Variants in PTPRZ1 observed in about 807,000 individuals in gnomAD.
PTPRZ1 encodes the protein protein tyrosine phosphatase receptor type Z1, also known as receptor-type tyrosine-protein phosphatase zeta.
In PTPRZ1, 82 loss-of-function variants were observed where a neutral mutation model predicts 214.1. That is an observed-to-expected ratio of 0.38 (90% CI 0.32 to 0.46). The LOEUF is 0.46. Ranked by LOEUF, PTPRZ1 falls within the 20% of genes least tolerant of loss-of-function variation. PTPRZ1 has a pLI of 1.00. For synonymous variants in PTPRZ1, 945 were observed against 987.9 expected, an observed-to-expected ratio of 0.96 and a Z score of 0.81; for missense variants, 2,603 against 2,748.7, an observed-to-expected ratio of 0.95 and a Z score of 1.19.
rs57176542 is a variant in PTPRZ1 at position 121,903,966 on chromosome 7, T to TCACACACACACACACACACA, written c.59-24175_59-24156dup. Among the ~76,000 whole-genome samples, 698 of 123,856 alleles carry TCACACACACACACACACACA rather than the reference T, an allele frequency of 5.6e-3. 2 individuals are homozygous for TCACACACACACACACACACA. The highest frequency in any genetic ancestry group is 0.016 in the African/African-American group (509 of 32,834). 81.3% of individuals were successfully genotyped at this position (123,856 alleles called of 152,430 possible). On this transcript the variant is annotated intron_variant, in intron 1 of 29. Transcript: ENST00000393386. ...AGGATTCTGTTCCAGTCTTTAAATC[T>TCACACACACACACACACACA]CACACACACACACACACACACACAC...
At chr7:121,909,697 G>T (rs1252690486) in intron 1 of PTPRZ1, among the ~76,000 whole-genome samples, 1 of 152,028 alleles carries the variant, frequency 6.6e-6, no homozygotes, top group Non-Finnish European at 1.5e-5. Flanking sequence ...GGAGAGAATA[G>T]AACTATTTAA....
chr7:122,010,989 T>A lies in PTPRZ1; in HGVS notation c.1943T>A (p.Met648Lys). The change falls in exon 12 of 30, where the codon ATG (methionine) becomes AAG (lysine). Residue 648 changes from methionine (M) to lysine (K), a missense_variant. Around this residue, in one of 6 missense-constraint regions of PTPRZ1, gnomAD observed 1,913 missense variants for 1,914.3 expected, o/e 1.00. Coordinates refer to ENST00000393386, the MANE Select transcript of PTPRZ1 (RefSeq NM_002851.3). Reference protein sequence around the residue: ...GSEESLKDPSMEGNVWFPSST... With the variant: ...GSEESLKDPSKEGNVWFPSST... Reference sequence around the variant, plus strand: ...GAAGAATCACTAAAGGATCCTTCTATGGAGGGAAATGTGTGGTTTCCTAGC... The same window carrying A: ...GAAGAATCACTAAAGGATCCTTCTAAGGAGGGAAATGTGTGGTTTCCTAGC... The A allele has an allele frequency of 6.2e-7, 1 of 1,614,202 alleles. No individual in the cohort carries two copies. The highest frequency in any genetic ancestry group is 8.5e-7 in the Non-Finnish European group (1 of 1,180,026).
Position 122,011,846 on chromosome 7 carries a change from GAGGGCTCCCAAC to G in PTPRZ1, c.2802_2813del (p.Glu934_His938delinsAsp). ...ACCTTCTTATGCCTTGTCTGATAAT[GAGGGCTCCCAAC>G]ACATCTTCACTGTTTCTTACAGTTC... is the stretch of plus-strand genomic sequence containing the variant. On this transcript the variant is annotated inframe_deletion, in exon 12 of 30. Coordinates refer to ENST00000393386, the MANE Select transcript of PTPRZ1 (RefSeq NM_002851.3). The G allele has an allele frequency of 1.2e-6, 2 of 1,613,804 alleles. No individual in the cohort carries two copies. Among genetic ancestry groups the G allele is most frequent in the Non-Finnish European group, 1.7e-6 (2 of 1,179,724 alleles).
Position 122,038,778 on chromosome 7 carries a change from T to C in PTPRZ1, c.5391T>C (p.Tyr1797=). The C allele has an allele frequency of 1.2e-6, 2 of 1,613,822 alleles. No homozygotes were observed. The highest frequency in any genetic ancestry group is 1.7e-6 in the Non-Finnish European group (2 of 1,179,796). ...YVDGYNRPKA[Y]IAAQGPLKST... is the part of the protein sequence containing the mutation. ...AGGGCTACAACAGACCAAAAGCTTATATTGCTGCCCAAGGCCCACTGAAAT... is the reference window on the plus strand; with the variant it reads ...AGGGCTACAACAGACCAAAAGCTTACATTGCTGCCCAAGGCCCACTGAAAT... The change falls in exon 19 of 30, where the codon TAT becomes TAC. Residue 1797 remains tyrosine, a synonymous_variant. Transcript: ENST00000393386.
intron 1 of PTPRZ1, among the ~76,000 whole-genome samples, chr7:121,898,483 C>T (rs1794869083): frequency 6.6e-6 from 1 of 152,068 alleles, no homozygotes; most frequent in Non-Finnish European, 1.5e-5. Context: ...CCATTGTATT[C>T]AAATTGTATT....
chr7:121,925,934 G>T (rs1433534652), intron 1 of PTPRZ1, among the ~76,000 whole-genome samples: 1 of 152,130 alleles, frequency 6.6e-6, no homozygotes, highest in East Asian at 1.9e-4. Flanking sequence ...GTAGTTCCCA[G>T]GTCCTTGAGA....
At chr7:121,994,439 C>T (rs959173011) in intron 8 of PTPRZ1, among the ~76,000 whole-genome samples, 8 of 151,666 alleles carry the variant, frequency 5.3e-5, no homozygotes, top group African/African-American at 1.2e-4. Context: ...GGATTACAGG[C>T]GCCCGCCACC....
At chr7:121,967,853 T>C in intron 2 of PTPRZ1, 98 bp from the exon 3 acceptor site, 1 of 809,374 alleles carries the variant, frequency 1.2e-6, no homozygotes, top group Non-Finnish European at 1.9e-6. Flanking sequence ...TTTTCTACTA[T>C]TGCATCTATT....
chr7:121,897,736 C>G (rs1238870277), intron 1 of PTPRZ1, among the ~76,000 whole-genome samples: 1 of 152,188 alleles, frequency 6.6e-6, no homozygotes, highest in African/African-American at 2.4e-5. Flanking sequence ...CTTTCTCTCC[C>G]TCCTTTCCAA....
In PTPRZ1 at chr7:121,935,489, T is replaced by C. The variant is rs562936123; in HGVS notation, c.124+7268T>C. On this transcript the variant is annotated intron_variant, in intron 2 of 29. Transcript: ENST00000393386. Reference sequence around the variant, plus strand: ...TGGGCCTCCTTTACTTCAATCTCTGTGGTTTTTGTTTGTTCGTTTGTTCGT... The same window carrying C: ...TGGGCCTCCTTTACTTCAATCTCTGCGGTTTTTGTTTGTTCGTTTGTTCGT... Among the ~76,000 whole-genome samples the C allele has an allele frequency of 3.3e-5, 5 of 152,146 alleles. No individual in the cohort carries two copies. In the East Asian group the frequency reaches 9.8e-4, roughly 30 times the overall value.
At position 121,890,003 on chromosome 7, in the gene PTPRZ1, TC is replaced by T. The variant is rs564647826; in HGVS notation, c.58+16452del. Among the ~76,000 whole-genome samples, 206 of 152,234 alleles carry T rather than the reference TC, an allele frequency of 1.4e-3. 1 individual carries two copies. Among genetic ancestry groups the T allele is most frequent in the Non-Finnish European group, 2.4e-3 (163 of 67,994 alleles). On this transcript the variant is annotated intron_variant, in intron 1 of 29. Coordinates refer to ENST00000393386, the MANE Select transcript of PTPRZ1 (RefSeq NM_002851.3). Reference sequence around the variant, plus strand: ...AATCTCTTTTTCTAGTTCCTTCTCATCCCCCCAACTTCTAAACATTGTAGTC... The same window carrying T: ...AATCTCTTTTTCTAGTTCCTTCTCATCCCCCAACTTCTAAACATTGTAGTC...
In PTPRZ1 at chr7:121,996,520, A is replaced by G; in HGVS notation, c.1067A>G (p.Glu356Gly). 3.7e-6 allele frequency: 6 copies of G among 1,610,870 alleles called. No homozygotes were observed. Among genetic ancestry groups the G allele is most frequent in the Non-Finnish European group, 5.1e-6 (6 of 1,178,270 alleles). Residue 356 changes from glutamate (E) to glycine (G), a missense_variant, in exon 9 of 30, where the codon GAG becomes GGG. Transcript: ENST00000393386. Reference sequence around the variant, plus strand: ...GTTTTGTACCAGCAGTTGGATGGAGAGGACCAAACCAAGCATGAATTTTTG... The same window carrying G: ...GTTTTGTACCAGCAGTTGGATGGAGGGGACCAAACCAAGCATGAATTTTTG... Reference protein sequence around the residue: ...FAVLYQQLDGEDQTKHEFLTD... With the variant: ...FAVLYQQLDGGDQTKHEFLTD...
chr7:121,913,647 C>A (rs896565177), intron 1 of PTPRZ1, among the ~76,000 whole-genome samples: 2 of 151,960 alleles, frequency 1.3e-5, no homozygotes, highest in African/African-American at 4.8e-5. Flanking sequence ...GACACAGAGA[C>A]GGTCCACAAT....
At chr7:121,896,457 T>C (rs1794785759) in intron 1 of PTPRZ1, among the ~76,000 whole-genome samples, 1 of 152,192 alleles carries the variant, frequency 6.6e-6, no homozygotes, top group Non-Finnish European at 1.5e-5. Flanking sequence ...TGTCCATTAA[T>C]GGATGAATGG....
intron 21 of PTPRZ1, among the ~76,000 whole-genome samples, chr7:122,041,584 A>G (rs1048446409): frequency 6.6e-6 from 1 of 152,210 alleles, no homozygotes; most frequent in African/African-American, 2.4e-5. Flanking sequence ...TGATGTTTCA[A>G]TGAAAGAGGA....
At chr7:121,959,471 T>C (rs188112574) in intron 2 of PTPRZ1, among the ~76,000 whole-genome samples, 5 of 152,354 alleles carry the variant, frequency 3.3e-5, no homozygotes, top group Admixed American at 1.3e-4. Context: ...GATTTGTGCA[T>C]GGAAACACAT....
rs1018509809 is a variant in PTPRZ1 at position 122,061,323 on chromosome 7, C to A, written c.*103C>A. The A allele has an allele frequency of 1.2e-5, 14 of 1,152,476 alleles. No homozygotes were observed. The Admixed American group carries it at 3.6e-4, about 30-fold the overall frequency. 71.4% of individuals were successfully genotyped at this position (1,152,476 alleles called of 1,614,324 possible). Reference sequence around the variant, plus strand: ...TCTGTTATCTGTTGATTTCCCATCACCTGACAGTAACTTTCATGACATAGG... The same window carrying A: ...TCTGTTATCTGTTGATTTCCCATCAACTGACAGTAACTTTCATGACATAGG... On this transcript the variant is annotated 3_prime_UTR_variant, in exon 30 of 30. Transcript: ENST00000393386.
intron 14 of PTPRZ1, among the ~76,000 whole-genome samples, chr7:122,029,344 C>T (rs1046161256): frequency 2.0e-5 from 3 of 151,936 alleles, no homozygotes; most frequent in African/African-American, 7.2e-5. Context: ...TAAGTAAAAT[C>T]ATAACCACTC....
intron 2 of PTPRZ1, among the ~76,000 whole-genome samples, chr7:121,959,521 T>A (rs1796813822): frequency 2.0e-5 from 3 of 152,232 alleles, no homozygotes; most frequent in Non-Finnish European, 4.4e-5. Context: ...GTCACAGACA[T>A]CCCTCTTCCT....
Sources: allele counts gnomAD v4.1 joint callset (sites outside exome capture counted in the v4.1 genomes callset), GRCh38; gene constraint gnomAD v4.1.1; regional missense constraint gnomAD v4.1.1; transcripts MANE v1.5; gene names NCBI Gene and HGNC (gene_info 2026-07-23, HGNC 2026-07-21).